Variants in ZFHX3 observed in about 807,000 individuals in gnomAD.
The protein encoded by ZFHX3 is zinc finger homeobox 3.
A neutral mutation model predicts 279.1 loss-of-function variants in ZFHX3; 42 were observed. The observed-to-expected ratio is 0.15, with a 90% CI of 0.12 to 0.19. The LOEUF (loss-of-function observed/expected upper bound fraction) is 0.19. ZFHX3 is among the 10% of genes least tolerant of loss of function. The pLI is 1.00. For missense variants in ZFHX3, 4,981 were observed against 4,754.0 expected, an observed-to-expected ratio of 1.05 and a Z score of -1.40; for synonymous variants, 2,293 against 1,957.8, an observed-to-expected ratio of 1.17 and a Z score of -4.52.
chr16:73,666,614 C>T (rs2052845069), intron 2 of ZFHX3, among the ~76,000 whole-genome samples: 1 of 151,958 alleles, frequency 6.6e-6, no homozygotes, highest in Non-Finnish European at 1.5e-5. Flanking sequence ...TATAGTCACA[C>T]TTGCTGAAGT....
intron 5 of ZFHX3, among the ~76,000 whole-genome samples, chr16:73,249,213 T>C (rs1021297734): frequency 1.1e-4 from 17 of 152,238 alleles, no homozygotes; most frequent in Non-Finnish European, 2.4e-4. Context: ...AGTTAGTAAC[T>C]TGTTTGAAGA....
At chr16:73,864,755 T>C (rs1289547136) in intron 1 of ZFHX3, among the ~76,000 whole-genome samples, 1 of 151,542 alleles carries the variant, frequency 6.6e-6, no homozygotes, top group African/African-American at 2.4e-5. Context: ...GAAAATAAAA[T>C]AGGTGGACTT....
At chr16:73,467,015 C>T (rs1272358680) in intron 2 of ZFHX3, among the ~76,000 whole-genome samples, 1 of 151,980 alleles carries the variant, frequency 6.6e-6, no homozygotes, top group African/African-American at 2.4e-5. Context: ...GGCCAGCTGC[C>T]CTAAGGATGG....
At chr16:73,378,891 C>G (rs1262481112) in intron 3 of ZFHX3, among the ~76,000 whole-genome samples, 1 of 152,156 alleles carries the variant, frequency 6.6e-6, no homozygotes, top group African/African-American at 2.4e-5. Flanking sequence ...TACTGTAGTA[C>G]CTTCCCATGC....
intron 5 of ZFHX3, among the ~76,000 whole-genome samples, chr16:73,227,895 A>T (rs2012654235): frequency 6.6e-6 from 1 of 152,016 alleles, no homozygotes; most frequent in African/African-American, 2.4e-5. Context: ...TGAAACAACA[A>T]TAACAACAAT....
At chr16:73,070,944 A>G (rs1442563323) in intron 8 of ZFHX3, among the ~76,000 whole-genome samples, 13 of 16,448 alleles carry the variant, frequency 7.9e-4, no homozygotes, top group South Asian at 5.2e-3. Flanking sequence ...GCGCGCACAC[A>G]CACACACACA....
chr16:73,499,790 G>T (rs1051791523), intron 2 of ZFHX3: 15 of 152,120 alleles, frequency 9.9e-5, no homozygotes, highest in Non-Finnish European at 2.2e-4. Flanking sequence ...ACATGACAAC[G>T]TTTCAATCAA....
At chr16:73,427,415 G>T (rs373574671) in intron 3 of ZFHX3, among the ~76,000 whole-genome samples, 2 of 151,986 alleles carry the variant, frequency 1.3e-5, no homozygotes, top group African/African-American at 4.8e-5. Flanking sequence ...TGTGTGTATC[G>T]GCAGCCTGCC....
At chr16:73,555,177 A>T (rs2020258101) in intron 2 of ZFHX3, among the ~76,000 whole-genome samples, 1 of 151,864 alleles carries the variant, frequency 6.6e-6, no homozygotes, top group African/African-American at 2.4e-5. Context: ...TTTTTTGAGG[A>T]GGAGTCTCGC....
At chr16:73,503,407 C>T (rs899908176) in intron 2 of ZFHX3, among the ~76,000 whole-genome samples, 1 of 152,170 alleles carries the variant, frequency 6.6e-6, no homozygotes, top group Non-Finnish European at 1.5e-5. Flanking sequence ...TAGAAGGGAT[C>T]TGTCTGAGAA....
At chr16:73,712,317 G>C (rs891183992) in intron 1 of ZFHX3, among the ~76,000 whole-genome samples, 1 of 152,192 alleles carries the variant, frequency 6.6e-6, no homozygotes, top group Admixed American at 6.5e-5. Flanking sequence ...TGTCCAAGCT[G>C]CCCTTCTTCC....
chr16:73,247,567 T>C (rs1434147577), intron 5 of ZFHX3, among the ~76,000 whole-genome samples: 3 of 151,860 alleles, frequency 2.0e-5, no homozygotes, highest in African/African-American at 4.8e-5. Flanking sequence ...ATGCGGAGTG[T>C]ATGAGTGTGT....
chr16:73,785,147 A>C (rs907046267), intron 1 of ZFHX3, among the ~76,000 whole-genome samples: 1 of 152,216 alleles, frequency 6.6e-6, no homozygotes, highest in African/African-American at 2.4e-5. Context: ...GTTATGTAAC[A>C]GTTTTTAGTT....
chr16:73,344,482 G>A (rs2016089554), intron 3 of ZFHX3, among the ~76,000 whole-genome samples: 1 of 152,180 alleles, frequency 6.6e-6, no homozygotes, highest in African/African-American at 2.4e-5. Flanking sequence ...GCACATTCTT[G>A]GAAGGATGGA....
At chr16:73,099,636 T>C (rs1377495931) in intron 7 of ZFHX3, among the ~76,000 whole-genome samples, 3 of 145,478 alleles carry the variant, frequency 2.1e-5, no homozygotes, top group Non-Finnish European at 4.5e-5. Context: ...GCTTGAACCC[T>C]GGAGGCAGAG....
intron 7 of ZFHX3, chr16:72,805,881 T>G (rs2036248804): frequency 6.6e-6 from 1 of 152,284 alleles, no homozygotes; most frequent in South Asian, 2.1e-4. Flanking sequence ...CCTTGTCCCA[T>G]TTCCTTTTCT....
intron 2 of ZFHX3, among the ~76,000 whole-genome samples, chr16:73,605,544 T>C (rs2127737): frequency 0.15 from 22,270 of 152,072 alleles, 1,987 homozygotes; most frequent in East Asian, 0.18. Context: ...AATGGTCAAA[T>C]AGTATTAGCC....
intron 3 of ZFHX3, among the ~76,000 whole-genome samples, chr16:72,918,075 A>G (rs563670544): frequency 2.0e-4 from 30 of 152,302 alleles, no homozygotes; most frequent in African/African-American, 7.0e-4. Context: ...CTGCTTAATA[A>G]AAGACTAGAA....
intron 5 of ZFHX3, among the ~76,000 whole-genome samples, chr16:73,213,516 A>G (rs1004162191): frequency 3.3e-5 from 5 of 152,126 alleles, no homozygotes; most frequent in African/African-American, 1.2e-4. Flanking sequence ...GATAATTACC[A>G]CTTTTTAGGG....
Sources: allele counts gnomAD v4.1 joint callset (sites outside exome capture counted in the v4.1 genomes callset), GRCh38; gene constraint gnomAD v4.1.1; transcripts MANE v1.5; gene names NCBI Gene and HGNC (gene_info 2026-07-23, HGNC 2026-07-21).